The following CNOT8 variants were observed in gnomAD, a reference collection of about 807,000 sequenced individuals.
The protein encoded by CNOT8 is CCR4-NOT transcription complex subunit 8.
CNOT8 carries 18 observed loss-of-function variants against 34.6 expected under a neutral mutation model. The observed-to-expected ratio is 0.52, with a 90% CI of 0.36 to 0.77. The LOEUF (loss-of-function observed/expected upper bound fraction) is 0.77, where lower values mean the gene tolerates loss of function less well. Among genes scored for constraint, CNOT8 ranks in the 30% least tolerant of loss-of-function variants. CNOT8 has a pLI of 0.00. For synonymous variants in CNOT8, 101 were observed against 118.8 expected (o/e 0.85, Z 0.98); for missense variants, 189 against 347.9 (o/e 0.54, Z 3.63).
intron 3 of CNOT8, chr5:154,867,806 A>G (rs1470038176): frequency 5.7e-6 from 1 of 174,890 alleles, no homozygotes; most frequent in African/African-American, 2.4e-5. Context: ...AAGAGAAAAA[A>G]AATTTTTAAT....
chr5:154,867,500 A>T (rs1050063593), intron 3 of CNOT8, among the ~76,000 whole-genome samples: 2 of 152,232 alleles, frequency 1.3e-5, no homozygotes, highest in African/African-American at 4.8e-5. Flanking sequence ...AGCTCAAACA[A>T]TTACACTAGT....
At chr5:154,872,477 T>G in intron 5 of CNOT8, 64 bp from the exon 6 acceptor site, 2 of 977,682 alleles carry the variant, frequency 2.0e-6, no homozygotes, top group South Asian at 1.5e-5. Context: ...TAACTGCACT[T>G]AGTTGGCTCC....
intron 6 of CNOT8, 83 bp from the exon 7 acceptor site, chr5:154,875,207 G>A: frequency 6.8e-7 from 1 of 1,474,400 alleles, no homozygotes. Context: ...GTGAGCCATT[G>A]CACCCGGCCA....
In CNOT8 at chr5:154,866,405, G is replaced by A. The variant is rs141135666; in HGVS notation, c.311+1020G>A. ...ACAGGTGGAGCCATTGTTCCTGGAA[G>A]GAGTAATTTTTTTTATTGTTGTTCG... is the stretch of plus-strand genomic sequence containing the variant. On this transcript the variant is annotated intron_variant, in intron 3 of 6. Coordinates refer to ENST00000285896, the MANE Select transcript of CNOT8 (RefSeq NM_001301073.2). Among the ~76,000 whole-genome samples, 24 of 152,252 alleles carry A rather than the reference G, an allele frequency of 1.6e-4. 1 individual carries two copies. In the East Asian group the frequency reaches 4.6e-3, roughly 29 times the overall value.
chr5:154,869,028 G>C (rs965842746), intron 3 of CNOT8, among the ~76,000 whole-genome samples: 4 of 152,224 alleles, frequency 2.6e-5, no homozygotes, highest in African/African-American at 9.6e-5. Flanking sequence ...GGCGGTGTCT[G>C]AGTCTGAGGC....
upstream of CNOT8, chr5:154,858,389 T>G (rs1286477741): frequency 6.6e-6 from 1 of 152,232 alleles, no homozygotes; most frequent in Admixed American, 6.5e-5. Flanking sequence ...CGGCACCCTG[T>G]TACTTCTGCT....
At chr5:154,865,775 A>G (rs1761806909) in intron 3 of CNOT8, among the ~76,000 whole-genome samples, 1 of 152,252 alleles carries the variant, frequency 6.6e-6, no homozygotes, top group Non-Finnish European at 1.5e-5. Context: ...TGCTGGGAAT[A>G]TAGAATTTTG....
intron 3 of CNOT8, among the ~76,000 whole-genome samples, chr5:154,867,123 G>A (rs756816644): frequency 6.6e-5 from 10 of 152,298 alleles, no homozygotes; most frequent in East Asian, 1.9e-4. Context: ...AACAGGAGTC[G>A]TTTAGCTTAT....
At chr5:154,863,520 C>T in intron 2 of CNOT8, 125 bp downstream of exon 2, 2 of 731,830 alleles carry the variant, frequency 2.7e-6, no homozygotes, top group East Asian at 2.6e-5. Context: ...GCCTTGAACT[C>T]CTGGGCTCAA....
intron 1 of CNOT8, among the ~76,000 whole-genome samples, chr5:154,862,159 T>A (rs1761409592): frequency 6.6e-6 from 1 of 152,242 alleles, no homozygotes; most frequent in Admixed American, 6.5e-5. Context: ...TCTGGTTGAA[T>A]GATTTACACC....
At chr5:154,875,268 G>C in intron 6 of CNOT8, 22 bp from the exon 7 acceptor site, 1 of 1,612,802 alleles carries the variant, frequency 6.2e-7, no homozygotes, top group Non-Finnish European at 8.5e-7. Flanking sequence ...CTCTCACCAT[G>C]GTTCTCTGTC....
At chr5:154,867,999 C>G (rs908173674) in intron 3 of CNOT8, among the ~76,000 whole-genome samples, 2 of 152,112 alleles carry the variant, frequency 1.3e-5, no homozygotes, top group Admixed American at 6.5e-5. Context: ...TGCAGTGGCA[C>G]AATCTCAGCT....
intron 6 of CNOT8, among the ~76,000 whole-genome samples, chr5:154,873,306 T>C (rs996196807): frequency 6.6e-6 from 1 of 152,214 alleles, no homozygotes; most frequent in African/African-American, 2.4e-5. Context: ...AAAGCAGCAT[T>C]CTGACGTGAA....
intron 6 of CNOT8, among the ~76,000 whole-genome samples, chr5:154,874,690 C>T (rs989416817): frequency 1.8e-4 from 27 of 148,440 alleles, no homozygotes; most frequent in African/African-American, 4.9e-4. Context: ...CCTGCCACCA[C>T]GCCTGGCTAA....
rs1261653775 is a variant in CNOT8 at position 154,858,701 on chromosome 5, G to T, written c.-140G>T. ...AGGGGCTGCCGTCGCCGCCGTCGGGGAGTCAGCCCGCCAGCCCGCCAGCTC... is the reference window on the plus strand; with the variant it reads ...AGGGGCTGCCGTCGCCGCCGTCGGGTAGTCAGCCCGCCAGCCCGCCAGCTC... On this transcript the variant is annotated 5_prime_UTR_variant, in exon 1 of 7. Transcript: ENST00000285896. The T allele has an allele frequency of 2.0e-5, 3 of 151,858 alleles. No individual in the cohort carries two copies. The highest frequency in any genetic ancestry group is 7.2e-5 in the African/African-American group (3 of 41,400). The allele number at this position is 151,858 out of a possible 1,614,324, so 9.4% of individuals were successfully genotyped here. A position where few individuals can be genotyped will look rare whatever the true frequency, so the allele number is the denominator to read the frequency against.
intron 4 of CNOT8, among the ~76,000 whole-genome samples, chr5:154,871,139 A>T (rs1414791675): frequency 6.6e-6 from 1 of 152,176 alleles, no homozygotes. Flanking sequence ...TAGGTACTTG[A>T]AAGCCAGATT....
intron 6 of CNOT8, among the ~76,000 whole-genome samples, chr5:154,874,235 G>A (rs1228109713): frequency 2.0e-5 from 3 of 151,998 alleles, no homozygotes; most frequent in African/African-American, 7.3e-5. Flanking sequence ...GTTCAGATAG[G>A]AGAGCCTTTC....
chr5:154,859,411 A>G (rs1161989030), intron 1 of CNOT8: 1 of 152,088 alleles, frequency 6.6e-6, no homozygotes, highest in East Asian at 1.9e-4. Context: ...GGAGGAGCCA[A>G]CTCACAGACC....
chr5:154,873,938 T>G, intron 6 of CNOT8, among the ~76,000 whole-genome samples: 1 of 152,140 alleles, frequency 6.6e-6, no homozygotes, highest in African/African-American at 2.4e-5. Context: ...ACTGGACAAG[T>G]TCCCCCAAAT....
Sources: gnomAD v4.1 joint callset for allele counts (sites outside exome capture counted in the v4.1 genomes callset) on GRCh38, gnomAD v4.1.1 for gene constraint, MANE v1.5 for transcripts, NCBI Gene and HGNC (gene_info 2026-07-23, HGNC 2026-07-21) for gene names.